Variants in VPS13D observed in about 807,000 individuals in gnomAD.
VPS13D encodes intermembrane lipid transfer protein VPS13D.
In VPS13D, 187 loss-of-function variants were observed where a neutral mutation model predicts 461.9. That is an observed-to-expected ratio of 0.40 (90% CI 0.36 to 0.46). The LOEUF is 0.46. Among genes scored for constraint, VPS13D ranks in the 20% least tolerant of loss-of-function variants. The pLI is 0.60. For synonymous variants in VPS13D, 1,951 were observed against 1,986.3 expected (o/e 0.98, Z 0.47); for missense variants, 4,711 against 5,364.9 (o/e 0.88, Z 3.81).
At chr1:12,451,917 A>G (rs1353003997) in intron 65 of VPS13D, among the ~76,000 whole-genome samples, 1 of 152,180 alleles carries the variant, frequency 6.6e-6, no homozygotes, top group Non-Finnish European at 1.5e-5. Context: ...TACATGTATT[A>G]CCTAATCCTT....
intron 15 of VPS13D, 76 bp downstream of exon 15, chr1:12,267,996 C>G (rs531901508): frequency 1.6e-6 from 2 of 1,286,684 alleles, no homozygotes; most frequent in African/African-American, 1.5e-5. Flanking sequence ...GGGCCTCGCT[C>G]TGTCACCCAG....
chr1:12,355,879 A>G lies in VPS13D; in HGVS notation c.9680-20A>G, dbSNP rs200595588. ...CAAATAGTGAGAACTCTGAAAGTTA[A>G]TAGTTTGTATCTTCTTTAGGGGTAT... is the stretch of plus-strand genomic sequence containing the variant. On this transcript the variant is annotated intron_variant, in intron 47 of 69. Coordinates refer to ENST00000620676, the MANE Select transcript of VPS13D (RefSeq NM_015378.4). The G allele has an allele frequency of 1.3e-6, 2 of 1,505,594 alleles. No individual in the cohort carries two copies. Among genetic ancestry groups the G allele is most frequent in the Admixed American group, 2.2e-5 (1 of 45,020 alleles). 93.3% of individuals were successfully genotyped at this position (1,505,594 alleles called of 1,614,324 possible).
At chr1:12,377,893 T>G (rs1335451467) in intron 55 of VPS13D, among the ~76,000 whole-genome samples, 1 of 152,074 alleles carries the variant, frequency 6.6e-6, no homozygotes, top group East Asian at 1.9e-4. Flanking sequence ...ACTTAACACT[T>G]GTGATACAAT....
chr1:12,484,316 G>A (rs1418862865), intron 67 of VPS13D, among the ~76,000 whole-genome samples: 1 of 152,154 alleles, frequency 6.6e-6, no homozygotes, highest in African/African-American at 2.4e-5. Context: ...GTTGATACAT[G>A]GGCTAGGTTT....
chr1:12,284,572 G>A (rs939035023), intron 21 of VPS13D, among the ~76,000 whole-genome samples: 1 of 152,208 alleles, frequency 6.6e-6, no homozygotes, highest in African/African-American at 2.4e-5. Flanking sequence ...GCCCATTCGA[G>A]GGCACATAGG....
At chr1:12,413,004 C>T (rs1644748355) in intron 63 of VPS13D, among the ~76,000 whole-genome samples, 1 of 152,082 alleles carries the variant, frequency 6.6e-6, no homozygotes, top group African/African-American at 2.4e-5. Flanking sequence ...CTTCAATAAG[C>T]ACTTCACAAA....
intron 50 of VPS13D, 27 bp from the exon 51 acceptor site, chr1:12,362,693 C>T (rs1331016563): frequency 6.2e-7 from 1 of 1,609,842 alleles, no homozygotes; most frequent in African/African-American, 1.3e-5. Flanking sequence ...ATGGTTAACT[C>T]ATAAAAGTGG....
chr1:12,275,451 C>T (rs919563549), intron 18 of VPS13D, among the ~76,000 whole-genome samples: 2 of 151,842 alleles, frequency 1.3e-5, no homozygotes, highest in African/African-American at 2.4e-5. Flanking sequence ...AACAAATGAA[C>T]ACACAGAAAA....
intron 63 of VPS13D, among the ~76,000 whole-genome samples, chr1:12,409,644 G>C (rs1413100863): frequency 1.3e-5 from 2 of 152,108 alleles, no homozygotes; most frequent in Non-Finnish European, 2.9e-5. Flanking sequence ...ATTCGGTAAG[G>C]AAGAGTATTT....
At chr1:12,233,581 C>T (rs2101170722) in intron 1 of VPS13D, among the ~76,000 whole-genome samples, 1 of 152,282 alleles carries the variant, frequency 6.6e-6, no homozygotes, top group Non-Finnish European at 1.5e-5. Context: ...GGTAAATCAA[C>T]ATAAGCAAGC....
intron 50 of VPS13D, among the ~76,000 whole-genome samples, chr1:12,362,419 G>A (rs563809756): frequency 1.3e-5 from 2 of 152,174 alleles, no homozygotes; most frequent in Non-Finnish European, 2.9e-5. Context: ...ACATATATGT[G>A]ACTGGACACC....
chr1:12,340,346 G>A (rs1643541642), intron 40 of VPS13D, among the ~76,000 whole-genome samples: 1 of 152,152 alleles, frequency 6.6e-6, no homozygotes, highest in East Asian at 1.9e-4. Flanking sequence ...TTGTTTAGCA[G>A]ATTACTATAT....
chr1:12,415,027 T>C (rs943807672), intron 63 of VPS13D, 60 bp from the exon 64 acceptor site: 24 of 1,582,620 alleles, frequency 1.5e-5, no homozygotes, highest in Admixed American at 1.0e-4. Flanking sequence ...TCTAGAATTA[T>C]AGTATCACAG....
intron 60 of VPS13D, among the ~76,000 whole-genome samples, chr1:12,392,015 C>T (rs1644432971): frequency 6.6e-6 from 1 of 151,970 alleles, no homozygotes; most frequent in African/African-American, 2.4e-5. Flanking sequence ...TGTGTGGTGC[C>T]ACACTTGGCT....
chr1:12,266,878 T>C lies in VPS13D; in HGVS notation c.1595-3T>C. 1.9e-6 allele frequency: 3 copies of C among 1,571,438 alleles called. No homozygotes were observed. Among genetic ancestry groups the C allele is most frequent in the Non-Finnish European group, 1.7e-6 (2 of 1,161,580 alleles). ...TATCAACTATTTTATTTATCTTTTA[T>C]AGATGTAAAACTTCTAGCAGAGTCT... is the stretch of plus-strand genomic sequence containing the variant. On this transcript the variant is annotated splice_region_variant and splice_polypyrimidine_tract_variant and intron_variant, in intron 13 of 69. Coordinates refer to ENST00000620676, the MANE Select transcript of VPS13D (RefSeq NM_015378.4).
intron 65 of VPS13D, among the ~76,000 whole-genome samples, chr1:12,421,719 T>G (rs1474659048): frequency 6.6e-6 from 1 of 152,242 alleles, no homozygotes; most frequent in Non-Finnish European, 1.5e-5. Context: ...TGTTATCTGG[T>G]CTTCCTAAGG....
chr1:12,397,350 T>C (rs1177732420), intron 60 of VPS13D, among the ~76,000 whole-genome samples: 2 of 152,208 alleles, frequency 1.3e-5, no homozygotes, highest in Non-Finnish European at 2.9e-5. Flanking sequence ...TTTTTAAAAA[T>C]AGAAAATAGA....
intron 3 of VPS13D, among the ~76,000 whole-genome samples, chr1:12,243,192 TG>T (rs1640437677): frequency 6.6e-6 from 1 of 152,030 alleles, no homozygotes; most frequent in South Asian, 2.1e-4. Context: ...TGACCTCAGG[TG>T]ATCTGCCTGT....
intron 38 of VPS13D, among the ~76,000 whole-genome samples, chr1:12,335,179 G>A (rs967444157): frequency 6.6e-6 from 1 of 152,140 alleles, no homozygotes; most frequent in African/African-American, 2.4e-5. Flanking sequence ...CGATTGTCCT[G>A]CCTCAGCCTA....
Sources: allele counts gnomAD v4.1 joint callset (sites outside exome capture counted in the v4.1 genomes callset), GRCh38; gene constraint gnomAD v4.1.1; transcripts MANE v1.5; gene names NCBI Gene and HGNC (gene_info 2026-07-23, HGNC 2026-07-21).